The following NARS2 variants were observed in gnomAD, a reference collection of about 807,000 sequenced individuals.
NARS2 encodes the protein asparaginyl-tRNA synthetase 2, mitochondrial, also known as asparaginyl-tRNA synthetase.
Under a neutral mutation model 62.9 loss-of-function variants are expected in NARS2, and 60 were observed. The observed-to-expected ratio is 0.95, with a 90% CI of 0.77 to 1.18. The LOEUF (loss-of-function observed/expected upper bound fraction) is 1.18, where lower values mean the gene tolerates loss of function less well. Among genes scored for constraint, NARS2 ranks in the 50% most tolerant of loss-of-function variants. The pLI, the probability that NARS2 is intolerant of heterozygous loss-of-function variation, is 0.00. For missense variants in NARS2, 619 were observed against 576.4 expected (o/e 1.07, Z -0.76); for synonymous variants, 196 against 200.0 (o/e 0.98, Z 0.17).
chr11:78,554,798 T>C (rs1315162052), intron 5 of NARS2, among the ~76,000 whole-genome samples: 3 of 152,216 alleles, frequency 2.0e-5, no homozygotes, highest in Non-Finnish European at 4.4e-5. Context: ...GGACTTCCAA[T>C]ACTATGTTGA....
chr11:78,448,849 T>C (rs1181184034), intron 11 of NARS2, among the ~76,000 whole-genome samples: 1 of 152,204 alleles, frequency 6.6e-6, no homozygotes, highest in Non-Finnish European at 1.5e-5. Flanking sequence ...ATCTTGCTGC[T>C]AAGATAACTA....
chr11:78,493,923 G>T (rs1859940705), intron 6 of NARS2, among the ~76,000 whole-genome samples: 1 of 152,236 alleles, frequency 6.6e-6, no homozygotes, highest in Non-Finnish European at 1.5e-5. Context: ...GTGAAAACTA[G>T]AATTTCATGT....
intron 7 of NARS2, among the ~76,000 whole-genome samples, chr11:78,487,983 G>C (rs1392222543): frequency 6.6e-6 from 1 of 152,106 alleles, no homozygotes; most frequent in Non-Finnish European, 1.5e-5. Flanking sequence ...AGGAAATCTG[G>C]AACTTGAGTA....
chr11:78,534,748 T>C (rs1364266930), intron 5 of NARS2, among the ~76,000 whole-genome samples: 1 of 152,218 alleles, frequency 6.6e-6, no homozygotes, highest in African/African-American at 2.4e-5. Context: ...GAATAGCAGT[T>C]ACTCAGTAAA....
intron 5 of NARS2, among the ~76,000 whole-genome samples, chr11:78,544,655 G>A (rs916129801): frequency 5.9e-5 from 9 of 152,198 alleles, no homozygotes; most frequent in East Asian, 1.9e-4. Flanking sequence ...TTAGCCAGGC[G>A]CGGTGGTGGG....
At chr11:78,514,338 T>C (rs947766067) in intron 6 of NARS2, among the ~76,000 whole-genome samples, 11 of 152,132 alleles carry the variant, frequency 7.2e-5, no homozygotes, top group Non-Finnish European at 7.4e-5. Flanking sequence ...CCCAGGTTGG[T>C]CTCAAACTTC....
intron 9 of NARS2, among the ~76,000 whole-genome samples, chr11:78,472,293 C>T (rs1009699264): frequency 1.3e-5 from 2 of 152,142 alleles, no homozygotes; most frequent in Non-Finnish European, 2.9e-5. Flanking sequence ...GGAAAAAACA[C>T]TGTGGTAGAG....
intron 5 of NARS2, among the ~76,000 whole-genome samples, chr11:78,555,754 T>A (rs1438900862): frequency 6.6e-6 from 1 of 150,696 alleles, no homozygotes; most frequent in Non-Finnish European, 1.5e-5. Flanking sequence ...CTTCTCTAAT[T>A]ATTTCCGTTG....
intron 5 of NARS2, among the ~76,000 whole-genome samples, chr11:78,529,551 G>A (rs1861408223): frequency 6.6e-6 from 1 of 152,210 alleles, no homozygotes; most frequent in Non-Finnish European, 1.5e-5. Context: ...CATCTGAAAT[G>A]AGTAGGAAAC....
intron 5 of NARS2, among the ~76,000 whole-genome samples, chr11:78,531,871 A>G (rs1861493097): frequency 6.6e-6 from 1 of 152,186 alleles, no homozygotes; most frequent in Admixed American, 6.5e-5. Context: ...TGGTTTGTGT[A>G]GAGGGGAAAA....
rs553471154 is a variant in NARS2, at chr11:78,508,282, C to A, written c.690-15087G>T. Among the ~76,000 whole-genome samples the A allele has an allele frequency of 4.6e-5, 7 of 152,106 alleles. No homozygotes were observed. The South Asian group carries it at 1.5e-3, about 32-fold the overall frequency. ...CGACCCAACATATGCATGTGGGAGT[C>A]TCGAAAGGAGAAGAGAGAAAAAGGC... On this transcript the variant is annotated intron_variant, in intron 6 of 13. Coordinates refer to ENST00000281038, the MANE Select transcript of NARS2 (RefSeq NM_024678.6).
intron 6 of NARS2, among the ~76,000 whole-genome samples, chr11:78,494,328 A>G (rs1859961927): frequency 6.6e-6 from 1 of 152,186 alleles, no homozygotes; most frequent in South Asian, 2.1e-4. Context: ...TGTTAGAACA[A>G]AGCAAGCTGT....
chr11:78,538,252 T>C (rs749164442), intron 5 of NARS2, among the ~76,000 whole-genome samples: 2 of 152,194 alleles, frequency 1.3e-5, no homozygotes, highest in Non-Finnish European at 2.9e-5. Context: ...GAGGCCTTCT[T>C]ACTGCTAATA....
intron 7 of NARS2, among the ~76,000 whole-genome samples, chr11:78,492,537 T>C (rs1307640205): frequency 6.6e-6 from 1 of 152,216 alleles, no homozygotes; most frequent in East Asian, 1.9e-4. Context: ...TGCCTGACCA[T>C]GACCATCTCT....
At position 78,571,427 on chromosome 11, in the gene NARS2, G is replaced by C; in HGVS notation, c.159C>G (p.Val53=). Residue 53 remains valine, a synonymous_variant, in exon 2 of 14, where the codon GTC becomes GTG. Coordinates refer to ENST00000281038, the MANE Select transcript of NARS2 (RefSeq NM_024678.6). ...RIKIQGWIRS[V]RSQKEVLFLH... ...GGAACAAGACTTCCTTCTGGGATCG[G>C]ACAGAACGAATCCATCCCTAAGGAA... 1 of 1,612,214 alleles carries C rather than the reference G, an allele frequency of 6.2e-7. No individual in the cohort carries two copies. Among genetic ancestry groups the C allele is most frequent in the Non-Finnish European group, 8.5e-7 (1 of 1,178,972 alleles).
intron 13 of NARS2, among the ~76,000 whole-genome samples, chr11:78,437,699 G>A (rs896326422): frequency 3.3e-5 from 5 of 152,080 alleles, no homozygotes; most frequent in East Asian, 1.9e-4. Context: ...TTTATCGGCC[G>A]GGTGTGGTGG....
intron 5 of NARS2, among the ~76,000 whole-genome samples, chr11:78,553,288 CCCT>C (rs1856197409): frequency 6.6e-6 from 1 of 151,738 alleles, no homozygotes; most frequent in Non-Finnish European, 1.5e-5. Flanking sequence ...TTTGCACCCC[CCCT>C]TTTTTTTTCT....
chr11:78,441,858 G>A (rs548446876), intron 12 of NARS2, among the ~76,000 whole-genome samples: 53 of 152,332 alleles, frequency 3.5e-4, no homozygotes, highest in African/African-American at 1.2e-3. Flanking sequence ...TAATATGGTT[G>A]CACATTGATT....
intron 11 of NARS2, among the ~76,000 whole-genome samples, chr11:78,445,073 A>G (rs1857711700): frequency 6.6e-6 from 1 of 152,198 alleles, no homozygotes; most frequent in South Asian, 2.1e-4. Context: ...TGGATAGAAA[A>G]AAGACTATCA....
Sources: gnomAD v4.1 joint callset for allele counts (sites outside exome capture counted in the v4.1 genomes callset) on GRCh38, gnomAD v4.1.1 for gene constraint, MANE v1.5 for transcripts, NCBI Gene and HGNC (gene_info 2026-07-23, HGNC 2026-07-21) for gene names.